The following ERBB4 variants were observed in gnomAD, a reference collection of about 807,000 sequenced individuals.
ERBB4 encodes the protein erb-b2 receptor tyrosine kinase 4.
A neutral mutation model predicts 158.0 loss-of-function variants in ERBB4; 42 were observed. That is an observed-to-expected ratio of 0.27 (90% CI 0.21 to 0.34). The LOEUF (loss-of-function observed/expected upper bound fraction) is 0.34, where lower values mean the gene tolerates loss of function less well. Among genes scored for constraint, ERBB4 ranks in the 10% least tolerant of loss-of-function variants. ERBB4 has a pLI of 1.00. For synonymous variants in ERBB4, 583 were observed against 558.7 expected (o/e 1.04, Z -0.61); for missense variants, 1,333 against 1,624.1 (o/e 0.82, Z 3.08).
intron 1 of ERBB4, among the ~76,000 whole-genome samples, chr2:212,255,299 G>A (rs369400812): frequency 6.6e-6 from 1 of 152,040 alleles, no homozygotes; most frequent in South Asian, 2.1e-4. Flanking sequence ...AGTGTGCTGG[G>A]GGAAAGAGTC....
At chr2:211,772,736 C>T (rs1421076419) in intron 4 of ERBB4, among the ~76,000 whole-genome samples, 1 of 144,274 alleles carries the variant, frequency 6.9e-6, no homozygotes, top group Non-Finnish European at 1.5e-5. Flanking sequence ...GTCTTGACCT[C>T]CTGGACTTAA....
At chr2:212,346,957 A>G (rs187339802) in intron 1 of ERBB4, among the ~76,000 whole-genome samples, 4 of 152,136 alleles carry the variant, frequency 2.6e-5, no homozygotes, top group Non-Finnish European at 5.9e-5. Flanking sequence ...TATTGTACTT[A>G]TTGAAAATAA....
chr2:212,395,986 G>A (rs1306618308), intron 1 of ERBB4, among the ~76,000 whole-genome samples: 3 of 152,062 alleles, frequency 2.0e-5, no homozygotes, highest in South Asian at 2.1e-4. Context: ...GAGATACTAC[G>A]AGAGTCTTAT....
intron 1 of ERBB4, among the ~76,000 whole-genome samples, chr2:212,335,214 G>A (rs2088372177): frequency 1.3e-5 from 2 of 151,934 alleles, no homozygotes; most frequent in African/African-American, 2.4e-5. Context: ...TGTATAAAGA[G>A]GAGCTACATA....
intron 2 of ERBB4, among the ~76,000 whole-genome samples, chr2:212,023,115 A>G (rs2076693808): frequency 6.6e-6 from 1 of 152,162 alleles, no homozygotes; most frequent in African/African-American, 2.4e-5. Context: ...AGAGAAAAGT[A>G]TGAGAATCAT....
intron 16 of ERBB4, among the ~76,000 whole-genome samples, chr2:211,633,156 C>T (rs749654185): frequency 3.3e-5 from 5 of 152,054 alleles, no homozygotes; most frequent in Non-Finnish European, 5.9e-5. Flanking sequence ...GACATAGCAA[C>T]TGGATATAAA....
At chr2:211,400,737 CAAT>C (rs923805679) in intron 25 of ERBB4, among the ~76,000 whole-genome samples, 1 of 150,886 alleles carries the variant, frequency 6.6e-6, no homozygotes, top group African/African-American at 2.4e-5. Context: ...TGACTATAGT[CAAT>C]AGTAATTTAG....
chr2:211,913,671 G>GTGTGTGTA (rs2079604101), intron 3 of ERBB4, among the ~76,000 whole-genome samples: 1 of 150,352 alleles, frequency 6.7e-6, no homozygotes, highest in African/African-American at 2.5e-5. Context: ...GTGTGTATGT[G>GTGTGTGTA]TGTGTGTATG....
At chr2:211,944,177 C>CTA (rs59741173) in intron 3 of ERBB4, among the ~76,000 whole-genome samples, 126 of 38,580 alleles carry the variant, frequency 3.3e-3, no homozygotes, top group East Asian at 0.019. Flanking sequence ...TATATATATA[C>CTA]TATATATATA....
intron 1 of ERBB4, among the ~76,000 whole-genome samples, chr2:212,409,509 C>T (rs1480938552): frequency 6.6e-6 from 1 of 152,042 alleles, no homozygotes; most frequent in African/African-American, 2.4e-5. Flanking sequence ...AAATACATCA[C>T]ATGTGTAAGT....
At chr2:212,187,323 A>G (rs2082042816) in intron 1 of ERBB4, among the ~76,000 whole-genome samples, 1 of 152,030 alleles carries the variant, frequency 6.6e-6, no homozygotes, top group South Asian at 2.1e-4. Context: ...ACCTAATGCT[A>G]GAGGATGAGT....
intron 1 of ERBB4, among the ~76,000 whole-genome samples, chr2:212,365,630 A>C (rs1395433745): frequency 6.6e-6 from 1 of 151,920 alleles, no homozygotes; most frequent in African/African-American, 2.4e-5. Flanking sequence ...AAAAAGAAGA[A>C]GTATATGTAG....
chr2:211,895,485 C>T lies in ERBB4; in HGVS notation c.421+51945G>A, dbSNP rs534279485. Among the ~76,000 whole-genome samples the T allele has an allele frequency of 8.3e-4, 127 of 152,238 alleles. 1 individual carries two copies. The highest frequency in any genetic ancestry group is 2.9e-3 in the African/African-American group (121 of 41,542). ...TTTTCCTTCAGCTGGTCTAGAATTC[C>T]TGGCCTCAAGCCATCGTCCCACCTC... On this transcript the variant is annotated intron_variant, in intron 3 of 27. Coordinates refer to ENST00000342788, the MANE Select transcript of ERBB4 (RefSeq NM_005235.3).
chr2:212,191,897 TTATA>T (rs1180689915), intron 1 of ERBB4, among the ~76,000 whole-genome samples: 1 of 135,704 alleles, frequency 7.4e-6, no homozygotes, highest in Non-Finnish European at 1.5e-5. Flanking sequence ...ATGTTATATA[TTATA>T]TATGATACAT....
intron 3 of ERBB4, among the ~76,000 whole-genome samples, chr2:211,941,051 C>A (rs2080479738): frequency 6.6e-6 from 1 of 152,124 alleles, no homozygotes. Flanking sequence ...AATACACAGT[C>A]TGACATGACA....
intron 1 of ERBB4, among the ~76,000 whole-genome samples, chr2:212,192,006 TAATA>T (rs1384965186): frequency 9.5e-6 from 1 of 105,658 alleles, no homozygotes. Flanking sequence ...ATGTTATATA[TAATA>T]TATGTTATAT....
chr2:212,533,479 T>A (rs1216579360), intron 1 of ERBB4, among the ~76,000 whole-genome samples: 1 of 152,218 alleles, frequency 6.6e-6, no homozygotes, highest in East Asian at 1.9e-4. Flanking sequence ...AAATCCTGAT[T>A]TAAACAATGT....
At chr2:211,974,802 T>A (rs839505) in intron 2 of ERBB4, among the ~76,000 whole-genome samples, 140,409 of 152,230 alleles carry the variant, frequency 0.92, 65,324 homozygotes, top group East Asian at 1. Context: ...TAGAAAAATA[T>A]CCATAGTAGT....
At chr2:211,692,176 G>T (rs879534592) in intron 12 of ERBB4, among the ~76,000 whole-genome samples, 4 of 152,158 alleles carry the variant, frequency 2.6e-5, no homozygotes, top group Admixed American at 2.0e-4. Flanking sequence ...GCATATGCCT[G>T]CCAGGGCCAG....
Sources: allele counts gnomAD v4.1 joint callset (sites outside exome capture counted in the v4.1 genomes callset), GRCh38; gene constraint gnomAD v4.1.1; transcripts MANE v1.5; gene names NCBI Gene and HGNC (gene_info 2026-07-23, HGNC 2026-07-21).